Variants in MYO1D observed in about 807,000 individuals in gnomAD.
MYO1D encodes the protein unconventional myosin-Id.
Under a neutral mutation model 122.0 loss-of-function variants are expected in MYO1D, and 83 were observed. The observed-to-expected ratio is 0.68, with a 90% CI of 0.57 to 0.82. MYO1D has a LOEUF of 0.82. Among genes scored for constraint, MYO1D ranks in the 40% least tolerant of loss-of-function variants. MYO1D has a pLI of 0.00. For missense variants in MYO1D, 1,157 were observed against 1,269.5 expected (o/e 0.91, Z 1.35); for synonymous variants, 464 against 446.9 (o/e 1.04, Z -0.48).
chr17:32,835,636 GC>G (rs1160615921), intron 1 of MYO1D, among the ~76,000 whole-genome samples: 1 of 152,146 alleles, frequency 6.6e-6, no homozygotes, highest in Non-Finnish European at 1.5e-5. Flanking sequence ...TCACATGGAT[GC>G]CTTCTGATTT....
At chr17:32,683,536 G>C (rs1478446245) in intron 16 of MYO1D, among the ~76,000 whole-genome samples, 4 of 151,772 alleles carry the variant, frequency 2.6e-5, no homozygotes, top group South Asian at 4.2e-4. Flanking sequence ...GCCCCTGCTG[G>C]GGGGTGCCTC....
chr17:32,566,995 C>G (rs2087180328), intron 21 of MYO1D, among the ~76,000 whole-genome samples: 1 of 150,314 alleles, frequency 6.7e-6, no homozygotes, highest in Admixed American at 6.7e-5. Context: ...CGTGCTCCAT[C>G]CATGTTCACA....
intron 21 of MYO1D, among the ~76,000 whole-genome samples, chr17:32,565,356 C>T (rs1294837822): frequency 6.6e-6 from 1 of 152,158 alleles, no homozygotes; most frequent in South Asian, 2.1e-4. Context: ...AGGGTTCTTC[C>T]TTGTAGCAAC....
intron 4 of MYO1D, 41 bp from the exon 5 acceptor site, chr17:32,772,883 C>A (rs528326978): frequency 5.1e-6 from 8 of 1,554,186 alleles, no homozygotes; most frequent in Non-Finnish European, 6.2e-6. Context: ...CGAAAATGTG[C>A]CCCTAAAATA....
At chr17:32,723,811 C>T (rs1230133758) in intron 14 of MYO1D, among the ~76,000 whole-genome samples, 1 of 152,150 alleles carries the variant, frequency 6.6e-6, no homozygotes, top group African/African-American at 2.4e-5. Flanking sequence ...CAGTCAACCC[C>T]TGAATCATGA....
At chr17:32,823,487 T>G (rs1205698729) in intron 1 of MYO1D, among the ~76,000 whole-genome samples, 1 of 152,164 alleles carries the variant, frequency 6.6e-6, no homozygotes, top group Non-Finnish European at 1.5e-5. Flanking sequence ...CTAGACAACA[T>G]GCATATAGTG....
intron 21 of MYO1D, among the ~76,000 whole-genome samples, chr17:32,581,003 C>T (rs1018026999): frequency 3.9e-5 from 6 of 152,094 alleles, no homozygotes; most frequent in Admixed American, 1.3e-4. Context: ...TCAATTTTCT[C>T]GAAGAGTTTG....
intron 20 of MYO1D, among the ~76,000 whole-genome samples, chr17:32,636,293 C>A (rs368592833): frequency 5.9e-5 from 9 of 152,306 alleles, no homozygotes; most frequent in African/African-American, 2.2e-4. Context: ...TTTCCTTCAT[C>A]CCCTCCCAGC....
intron 1 of MYO1D, among the ~76,000 whole-genome samples, chr17:32,834,904 C>T (rs12051873): frequency 0.049 from 7,464 of 152,092 alleles, 284 homozygotes; most frequent in East Asian, 0.19. Context: ...CCCAGCTACT[C>T]GGGAGACTGG....
chr17:32,632,246 C>G (rs2150934172), intron 20 of MYO1D, among the ~76,000 whole-genome samples: 1 of 152,240 alleles, frequency 6.6e-6, no homozygotes, highest in African/African-American at 2.4e-5. Context: ...ATGACAAGAC[C>G]TCTTTTAATA....
chr17:32,580,158 G>A (rs911477490), intron 21 of MYO1D, among the ~76,000 whole-genome samples: 1 of 152,040 alleles, frequency 6.6e-6, no homozygotes, highest in South Asian at 2.1e-4. Flanking sequence ...TTATGCAATA[G>A]AGTTAAATCC....
chr17:32,518,981 G>A (rs1464482911), intron 21 of MYO1D: 1 of 152,310 alleles, frequency 6.6e-6, no homozygotes, highest in Non-Finnish European at 1.5e-5. Context: ...TGCAGGGAAG[G>A]CCGAGCAAGC....
At chr17:32,683,739 A>C (rs2088960311) in intron 16 of MYO1D, among the ~76,000 whole-genome samples, 1 of 152,118 alleles carries the variant, frequency 6.6e-6, no homozygotes, top group Admixed American at 6.5e-5. Context: ...TGGAGCCTAC[A>C]GTGGCAGGCA....
chr17:32,675,807 G>A (rs935971061), intron 16 of MYO1D, among the ~76,000 whole-genome samples: 1 of 152,086 alleles, frequency 6.6e-6, no homozygotes, highest in East Asian at 1.9e-4. Flanking sequence ...CTGCCATACA[G>A]AGGTTGTTTT....
At chr17:32,535,913 C>CG (rs1910649169) in intron 21 of MYO1D, among the ~76,000 whole-genome samples, 1 of 152,224 alleles carries the variant, frequency 6.6e-6, no homozygotes, top group Non-Finnish European at 1.5e-5. Flanking sequence ...TTAAGCTTAA[C>CG]TCTATTCCTG....
chr17:32,623,623 T>C (rs549422107), intron 20 of MYO1D, among the ~76,000 whole-genome samples: 8 of 152,340 alleles, frequency 5.3e-5, no homozygotes, highest in Middle Eastern at 3.4e-3. Flanking sequence ...TAATTTTTGA[T>C]ACAGATACGC....
intron 20 of MYO1D, among the ~76,000 whole-genome samples, chr17:32,623,445 T>TG (rs2087879629): frequency 6.6e-6 from 1 of 152,134 alleles, no homozygotes; most frequent in Non-Finnish European, 1.5e-5. Flanking sequence ...GTGGTGGGGA[T>TG]GGGGGGTCGT....
chr17:32,627,247 T>TC lies in MYO1D; in HGVS notation c.2709+11474_2709+11475insG, dbSNP rs551631978. Among the ~76,000 whole-genome samples, 16 of 152,290 alleles carry TC rather than the reference T, an allele frequency of 1.1e-4. No individual in the cohort carries two copies. The South Asian group carries it at 1.5e-3, about 14-fold the overall frequency. ...ATTAAAGAGAACTAATAAATATAGTTGAAAGGATTGAGGGAGGGCCGAGGG... is the reference window on the plus strand; with the variant it reads ...ATTAAAGAGAACTAATAAATATAGTTCGAAAGGATTGAGGGAGGGCCGAGGG... On this transcript the variant is annotated intron_variant, in intron 20 of 21. Transcript: ENST00000318217.
At chr17:32,514,767 G>A (rs541571881) in intron 21 of MYO1D, among the ~76,000 whole-genome samples, 1 of 152,210 alleles carries the variant, frequency 6.6e-6, no homozygotes, top group Non-Finnish European at 1.5e-5. Context: ...TAACACATCC[G>A]GGAGTCAGAC....
Sources: gnomAD v4.1 joint callset for allele counts (sites outside exome capture counted in the v4.1 genomes callset) on GRCh38, gnomAD v4.1.1 for gene constraint, MANE v1.5 for transcripts, NCBI Gene and HGNC (gene_info 2026-07-23, HGNC 2026-07-21) for gene names.